The following PCDHGA4 variants were observed in gnomAD, a reference collection of about 807,000 sequenced individuals.
PCDHGA4 encodes protocadherin gamma-A4.
In PCDHGA4, 38 loss-of-function variants were observed where a neutral mutation model predicts 54.6. That is an observed-to-expected ratio of 0.70 (90% CI 0.54 to 0.91). The LOEUF is 0.91. Among genes scored for constraint, PCDHGA4 ranks in the 40% least tolerant of loss-of-function variants. PCDHGA4 has a pLI of 0.00. For missense variants in PCDHGA4, 1,298 were observed against 1,220.9 expected (o/e 1.06, Z -0.94); for synonymous variants, 511 against 512.9 (o/e 1.00, Z 0.05).
At position 141,476,140 on chromosome 5, in the gene PCDHGA4, C is replaced by A. The variant is rs1410430310; in HGVS notation, c.2515-18667C>A. On this transcript the variant is annotated intron_variant, in intron 1 of 3. Coordinates refer to ENST00000571252, the MANE Select transcript of PCDHGA4 (RefSeq NM_018917.4). The surrounding 1 kb of genome is among the most constrained non-coding windows in gnomAD (Gnocchi z 7.6). ...AGATGGTCCCAGAGGCCTGGAGGAG[C>A]GGACTGGTAAGCACCGGGAGGGTAG... 6 of 1,609,222 alleles carry A rather than the reference C, an allele frequency of 3.7e-6. No homozygotes were observed. The highest frequency in any genetic ancestry group is 5.1e-6 in the Non-Finnish European group (6 of 1,178,484).
In PCDHGA4 at chr5:141,476,715, G is replaced by A. The variant is rs199871912; in HGVS notation, c.2515-18092G>A. 12 of 1,614,168 alleles carry A rather than the reference G, an allele frequency of 7.4e-6. No individual in the cohort carries two copies. The highest frequency in any genetic ancestry group is 1.7e-5 in the Admixed American group (1 of 60,032). On this transcript the variant is annotated intron_variant, in intron 1 of 3. Coordinates refer to ENST00000571252, the MANE Select transcript of PCDHGA4 (RefSeq NM_018917.4). The surrounding 1 kb of genome is among the most constrained non-coding windows in gnomAD (Gnocchi z 7.6). ...AAGTACGCGGAGCTGGTGTTGGAGC[G>A]CGCCCTGGACCGAGAACGGGAGCCT...
At chr5:141,442,253 G>A (rs910914393) in intron 1 of PCDHGA4, 2 of 153,064 alleles carry the variant, frequency 1.3e-5, no homozygotes, top group Non-Finnish European at 2.9e-5. Flanking sequence ...TGCATTGTTT[G>A]TGCTGGTTTT....
In PCDHGA4 at chr5:141,493,930, A is replaced by G. The variant is rs547125826; in HGVS notation, c.2515-877A>G. Among the ~76,000 whole-genome samples the G allele has an allele frequency of 6.6e-6, 1 of 152,268 alleles. No homozygotes were observed. The highest frequency in any genetic ancestry group is 6.5e-5 in the Admixed American group (1 of 15,300). ...TGTGATGGGATAACACACCCCCTGG[A>G]AAGACCAGAAGGGACTCAGGAATGA... On this transcript the variant is annotated intron_variant, in intron 1 of 3. Transcript: ENST00000571252. This position sits in a 1 kb window ranked among gnomAD's most constrained non-coding sequence, Gnocchi z 4.3.
At chr5:141,421,267 C>T in intron 1 of PCDHGA4, 1 of 1,611,374 alleles carries the variant, frequency 6.2e-7, no homozygotes, top group Non-Finnish European at 8.5e-7. Flanking sequence ...CAGTCGGCTG[C>T]TGCTGCTGCT....
intron 1 of PCDHGA4, chr5:141,421,690 C>T: frequency 6.2e-7 from 1 of 1,613,948 alleles, no homozygotes. Context: ...GCGATTTGCT[C>T]TTCCTAATGC....
chr5:141,362,405 C>T (rs1487845960), intron 1 of PCDHGA4: 14 of 1,614,052 alleles, frequency 8.7e-6, no homozygotes, highest in Non-Finnish European at 1.1e-5. Context: ...CTGTGTGTTG[C>T]CTCACAATCA....
chr5:141,417,524 T>C (rs2096128269), intron 1 of PCDHGA4: 1 of 271,098 alleles, frequency 3.7e-6, no homozygotes, highest in African/African-American at 2.2e-5. Flanking sequence ...GGCTGTCAAC[T>C]CGTAGTTTAA....
chr5:141,479,860 C>T (rs1374284598), intron 1 of PCDHGA4, among the ~76,000 whole-genome samples: 2 of 152,108 alleles, frequency 1.3e-5, no homozygotes, highest in Admixed American at 6.5e-5. Context: ...AAGGCCTTTG[C>T]CCTGGAGAGA....
rs1485669709 is a variant in PCDHGA4 at position 141,432,989 on chromosome 5, G to A, written c.2515-61818G>A. On this transcript the variant is annotated intron_variant, in intron 1 of 3. Coordinates refer to ENST00000571252, the MANE Select transcript of PCDHGA4 (RefSeq NM_018917.4). The surrounding 1 kb of genome is among the most constrained non-coding windows in gnomAD (Gnocchi z 6.0). ...GCCGGCGTCGCACTTTGTGGGCGTG[G>A]ACGGGGTGCAGGCTTTCCTGCAGAC... The A allele has an allele frequency of 1.9e-6, 3 of 1,614,210 alleles. No individual in the cohort carries two copies. The highest frequency in any genetic ancestry group is 1.3e-5 in the African/African-American group (1 of 75,066).
chr5:141,365,936 G>T, intron 1 of PCDHGA4: 1 of 1,614,202 alleles, frequency 6.2e-7, no homozygotes, highest in Non-Finnish European at 8.5e-7. Flanking sequence ...GACAGCCAGC[G>T]ACAGTGGGAA....
chr5:141,472,980 C>CAAAAAAAAAAAAAAAAAAGAAAAAAA (rs60579131), intron 1 of PCDHGA4, among the ~76,000 whole-genome samples: 1 of 86,106 alleles, frequency 1.2e-5, no homozygotes, highest in South Asian at 4.3e-4. Flanking sequence ...GAGTGAAACT[C>CAAAAAAAAAAAAAAAAAAGAAAAAAA]AAAAAAAAAA....
chr5:141,382,534 T>G (rs1284471897), intron 1 of PCDHGA4, among the ~76,000 whole-genome samples: 1 of 152,218 alleles, frequency 6.6e-6, no homozygotes, highest in Non-Finnish European at 1.5e-5. Context: ...TAAAATGGAT[T>G]TTTAATTATC....
chr5:141,355,860 G>T lies in PCDHGA4; in HGVS notation c.753G>T (p.Pro251=), dbSNP rs1289299237. ...LVLTAFDGGD[P]VRSGTARILI... is the part of the protein sequence containing the mutation. Reference sequence around the variant, plus strand: ...TCACGGCCTTCGATGGAGGTGACCCGGTTCGCTCTGGCACTGCCAGGATTC... The same window carrying T: ...TCACGGCCTTCGATGGAGGTGACCCTGTTCGCTCTGGCACTGCCAGGATTC... Residue 251 remains proline, a synonymous_variant, in exon 1 of 4, where the codon CCG becomes CCT. Transcript: ENST00000571252. 4 of 1,612,220 alleles carry T rather than the reference G, an allele frequency of 2.5e-6. No individual in the cohort carries two copies. Among genetic ancestry groups the T allele is most frequent in the Non-Finnish European group, 3.4e-6 (4 of 1,179,076 alleles).
chr5:141,458,054 T>G (rs2098935656), intron 1 of PCDHGA4, among the ~76,000 whole-genome samples: 1 of 152,252 alleles, frequency 6.6e-6, no homozygotes, highest in Admixed American at 6.5e-5. Context: ...GGATTCTTGC[T>G]GCACTGATGC....
At chr5:141,418,423 T>G (rs1469880702) in intron 1 of PCDHGA4, 1 of 1,613,868 alleles carries the variant, frequency 6.2e-7, no homozygotes. Flanking sequence ...ATCCTGATGG[T>G]GGCAAATATC....
At chr5:141,467,627 G>A (rs2099147481) in intron 1 of PCDHGA4, among the ~76,000 whole-genome samples, 1 of 152,140 alleles carries the variant, frequency 6.6e-6, no homozygotes, top group South Asian at 2.1e-4. Context: ...ATTTGAGATA[G>A]CATCTTTATC....
intron 1 of PCDHGA4, among the ~76,000 whole-genome samples, chr5:141,447,650 T>G (rs555134653): frequency 1.3e-5 from 2 of 151,988 alleles, no homozygotes; most frequent in Non-Finnish European, 2.9e-5. Flanking sequence ...GGTAGAATTT[T>G]CCCCCCCAGG....
intron 1 of PCDHGA4, chr5:141,394,850 G>A (rs778925348): frequency 1.1e-5 from 17 of 1,613,702 alleles, no homozygotes; most frequent in Non-Finnish European, 1.4e-5. Context: ...GCAGTCTGAA[G>A]CCTTCGGTCG....
intron 1 of PCDHGA4, among the ~76,000 whole-genome samples, chr5:141,464,155 C>T (rs2099076990): frequency 1.3e-5 from 2 of 151,614 alleles, no homozygotes; most frequent in African/African-American, 4.8e-5. Flanking sequence ...GTCCCAGCTA[C>T]TTGGAAGGCT....
Sources: allele counts gnomAD v4.1 joint callset (sites outside exome capture counted in the v4.1 genomes callset), GRCh38; gene constraint gnomAD v4.1.1; non-coding constraint Gnocchi (gnomAD v3.1); transcripts MANE v1.5; gene names NCBI Gene and HGNC (gene_info 2026-07-23, HGNC 2026-07-21).